Variants in GCC2 observed in about 807,000 individuals in gnomAD.
GCC2 encodes the protein GRIP and coiled-coil domain-containing protein 2.
GCC2 carries 120 observed loss-of-function variants against 210.6 expected under a neutral mutation model. The observed-to-expected ratio is 0.57, with a 90% CI of 0.49 to 0.66. GCC2 has a LOEUF of 0.66. Ranked by LOEUF, GCC2 falls within the 30% of genes least tolerant of loss-of-function variation. GCC2 has a pLI of 0.00. For synonymous variants in GCC2, 703 were observed against 652.7 expected (o/e 1.08, Z -1.17); for missense variants, 1,868 against 1,871.9 (o/e 1.00, Z 0.04).
chr2:108,469,659 A>G lies in GCC2; in HGVS notation c.330A>G (p.Val110=), dbSNP rs1285457452. 2 of 1,579,382 alleles carry G rather than the reference A, an allele frequency of 1.3e-6. No homozygotes were observed. The highest frequency in any genetic ancestry group is 2.4e-5 in the South Asian group (2 of 84,346). The change falls in exon 6 of 23, where the codon GTA becomes GTG. Residue 110 remains valine, a synonymous_variant. Transcript: ENST00000309863. ...CTTATTTTTTGTAATAGGATTCTGT[A>G]ACAAAGATGGGAGATGCACATAAGG... ...IKMKQEVEDS[V]TKMGDAHKEL... is the part of the protein sequence containing the mutation.
intron 4 of GCC2, among the ~76,000 whole-genome samples, chr2:108,459,697 C>CT (rs931518189): frequency 2.3e-5 from 2 of 87,602 alleles, no homozygotes; most frequent in Non-Finnish European, 4.5e-5. Flanking sequence ...ATTGTTACAT[C>CT]TTTTTGCTGG....
chr2:108,451,654 A>G (rs1373105080), intron 3 of GCC2, among the ~76,000 whole-genome samples: 1 of 151,976 alleles, frequency 6.6e-6, no homozygotes, highest in Non-Finnish European at 1.5e-5. Flanking sequence ...CCAGTGACTT[A>G]TAAATATTAA....
At chr2:108,503,801 T>A (rs1453859741) in intron 22 of GCC2, among the ~76,000 whole-genome samples, 1 of 152,238 alleles carries the variant, frequency 6.6e-6, no homozygotes, top group African/African-American at 2.4e-5. Context: ...ACATTCAGAA[T>A]ATTTTTTTAA....
At chr2:108,449,881 T>A in intron 2 of GCC2, 192 bp downstream of exon 2, 1 of 586,258 alleles carries the variant, frequency 1.7e-6, no homozygotes, top group Admixed American at 3.1e-5. Context: ...AGAAAGACTT[T>A]TTGTTTGCTT....
chr2:108,482,976 G>A (rs1399329049), intron 11 of GCC2, 86 bp from the exon 12 acceptor site: 3 of 716,944 alleles, frequency 4.2e-6, no homozygotes, highest in Non-Finnish European at 7.4e-6. Context: ...CACCACGCCC[G>A]GCCGTCAGAT....
Position 108,470,661 on chromosome 2 carries a change from T to G in GCC2, c.1332T>G (p.Phe444Leu), listed in dbSNP as rs748009845. ...AAATATCAGAACTAAATGAGACATT[T>G]TTGTCAGATTCAGAAAAAGAAAAAT... is the stretch of plus-strand genomic sequence containing the variant. ...QKEISELNET[F>L]LSDSEKEKLT... Residue 444 changes from phenylalanine (F) to leucine (L), a missense_variant, in exon 6 of 23, where the codon TTT becomes TTG. By Grantham distance (22) the Phe-to-Leu change is conservative (BLOSUM62 0). Around this residue, in one of 3 missense-constraint regions of GCC2, gnomAD observed 1,847 missense variants for 1,765.2 expected, o/e 1.05. Transcript: ENST00000309863. 2 of 1,611,828 alleles carry G rather than the reference T, an allele frequency of 1.2e-6. No homozygotes were observed. Among genetic ancestry groups the G allele is most frequent in the Non-Finnish European group, 1.7e-6 (2 of 1,178,812 alleles).
At chr2:108,472,193 C>A in intron 6 of GCC2, 77 bp downstream of exon 6, 2 of 1,031,766 alleles carry the variant, frequency 1.9e-6, no homozygotes, top group Non-Finnish European at 2.7e-6. Flanking sequence ...AACATTTTTA[C>A]ACCTTGACGT....
intron 9 of GCC2, among the ~76,000 whole-genome samples, chr2:108,476,173 C>G (rs991643357): frequency 9.2e-5 from 14 of 151,394 alleles, no homozygotes; most frequent in Non-Finnish European, 1.3e-4. Flanking sequence ...AATTCTCCTG[C>G]CACAGGCTCC....
chr2:108,478,455 T>G (rs1244013032), intron 9 of GCC2, among the ~76,000 whole-genome samples: 2 of 152,190 alleles, frequency 1.3e-5, no homozygotes, highest in African/African-American at 4.8e-5. Flanking sequence ...AGTTTGTTAA[T>G]TTGGCTAGTT....
At position 108,484,182 on chromosome 2, in the gene GCC2, A is replaced by T; in HGVS notation, c.3484A>T (p.Ile1162Leu). The change falls in exon 13 of 23, where the codon ATA (isoleucine) becomes TTA (leucine). Residue 1162 changes from isoleucine (I) to leucine (L), a missense_variant. By Grantham distance (5) the Ile-to-Leu change is conservative. Around this residue, in one of 3 missense-constraint regions of GCC2, gnomAD observed 1,847 missense variants for 1,765.2 expected, o/e 1.05. Transcript: ENST00000309863. ...ACAAACCACATTGATGAATATGGAA[A>T]TAGCTGATTATGAACGTTTGATGAA... is the stretch of plus-strand genomic sequence containing the variant. The part of the protein sequence containing the change: ...AQQTTLMNME[I>L]ADYERLMKEL... The T allele has an allele frequency of 6.3e-7, 1 of 1,590,798 alleles. No homozygotes were observed. Among genetic ancestry groups the T allele is most frequent in the Non-Finnish European group, 8.5e-7 (1 of 1,172,292 alleles).
chr2:108,449,648 G>T lies in GCC2; in HGVS notation c.22G>T (p.Gly8Trp). ...TGTTTTGCAGGATCTTGTTCAAGAT[G>T]GGGTGGCTTCACCAGCTACCCCTGG... MEDLVQD[G>W]VASPATPGTG... Residue 8 changes from glycine to tryptophan, a missense_variant, in exon 2 of 23, where the codon GGG becomes TGG. Physicochemically the swap from Gly to Trp is radical, Grantham distance 184 (BLOSUM62 -2). Transcript: ENST00000309863. 1 of 1,613,764 alleles carries T rather than the reference G, an allele frequency of 6.2e-7. No homozygotes were observed. Among genetic ancestry groups the T allele is most frequent in the Non-Finnish European group, 8.5e-7 (1 of 1,179,690 alleles).
Position 108,471,884 on chromosome 2 carries a change from C to A in GCC2, c.2555C>A (p.Ser852Ter). ...LLRKELEEIQSEKEALQSDLL... is the reference protein window; with the variant it reads ...LLRKELEEIQ ...AGGAAAGAGTTAGAAGAAATACAGT[C>A]AGAAAAAGAGGCCCTGCAGTCTGAT... Residue 852 changes from serine to a stop codon, truncating the protein, a stop_gained, in exon 6 of 23, where the codon TCA (serine) becomes TAA (stop). Transcript: ENST00000309863. LOFTEE classifies it high-confidence loss of function. 1 of 1,607,402 alleles carries A rather than the reference C, an allele frequency of 6.2e-7. No individual in the cohort carries two copies. Among genetic ancestry groups the A allele is most frequent in the South Asian group, 1.1e-5 (1 of 89,496 alleles).
intron 9 of GCC2, among the ~76,000 whole-genome samples, chr2:108,477,512 A>T (rs769775367): frequency 6.6e-6 from 1 of 152,212 alleles, no homozygotes; most frequent in Non-Finnish European, 1.5e-5. Context: ...TAATTCAGGG[A>T]GTCTCGTTCC....
rs539727916 is a variant in GCC2 at position 108,469,498 on chromosome 2, A to G, written c.322-153A>G. 33 of 574,434 alleles carry G rather than the reference A, an allele frequency of 5.7e-5. No individual in the cohort carries two copies. In the South Asian group the frequency reaches 8.3e-4, roughly 14 times the overall value. The allele number at this position is 574,434 out of a possible 1,614,324, so 35.6% of individuals were successfully genotyped here. ...TACTTTAGATAGGCAGCACCTAAGG[A>G]GAGTTATTGGAATATCAGTATCATG... On this transcript the variant is annotated intron_variant, in intron 5 of 22. Coordinates refer to ENST00000309863, the MANE Select transcript of GCC2 (RefSeq NM_181453.4).
chr2:108,491,354 C>T lies in GCC2; in HGVS notation c.4230-1219C>T, dbSNP rs547110090. 6.6e-5 allele frequency among the ~76,000 whole-genome samples: 10 copies of T among 152,246 alleles called. No individual in the cohort carries two copies. In the East Asian group the frequency reaches 1.9e-3, roughly 29 times the overall value. On this transcript the variant is annotated intron_variant, in intron 18 of 22. Transcript: ENST00000309863. ...ACCTCTAATTTTTATCCTGCTTAGA[C>T]TATTTTTGTAACCTCCGATGGTTCT...
intron 22 of GCC2, among the ~76,000 whole-genome samples, chr2:108,503,175 AAAG>A (rs1319374921): frequency 2.7e-5 from 4 of 150,920 alleles, no homozygotes; most frequent in African/African-American, 9.7e-5. Flanking sequence ...ATTAAAAAAA[AAAG>A]AAGAAATCTA....
Position 108,472,068 on chromosome 2 carries a change from A to G in GCC2, c.2739A>G (p.Leu913=), listed in dbSNP as rs1573372673. 5 of 1,571,588 alleles carry G rather than the reference A, an allele frequency of 3.2e-6. No individual in the cohort carries two copies. Among genetic ancestry groups the G allele is most frequent in the Non-Finnish European group, 4.3e-6 (5 of 1,167,658 alleles). The change falls in exon 6 of 23, where the codon CTA becomes CTG. Residue 913 remains leucine (L), a synonymous_variant. Transcript: ENST00000309863. ...IKEHENLKPL[L]EQKELRDRRA... ...AACATGAAAACCTAAAGCCACTACT[A>G]GAACAAAAAGAATTACGAGATAGGA...
At chr2:108,497,174 A>T (rs1302358565) in intron 21 of GCC2, 65 bp downstream of exon 21, 2 of 1,609,440 alleles carry the variant, frequency 1.2e-6, no homozygotes, top group Admixed American at 3.3e-5. Flanking sequence ...CTCCATACAC[A>T]TGCACGATCT....
In GCC2 at chr2:108,493,264, A is replaced by G. The variant is rs371966198; in HGVS notation, c.4447+474A>G. 8.7e-4 allele frequency: 401 copies of G among 461,818 alleles called. 2 individuals carry two copies. In the South Asian group the frequency reaches 0.013, roughly 14 times the overall value. 28.6% of individuals were successfully genotyped at this position (461,818 alleles called of 1,614,324 possible). On this transcript the variant is annotated intron_variant, in intron 19 of 22. Coordinates refer to ENST00000309863, the MANE Select transcript of GCC2 (RefSeq NM_181453.4). ...GCCACCAGGCCGGCTAATTTTTTGT[A>G]TTTTTAGTAGAGACGCAGTTTCACC... is the stretch of plus-strand genomic sequence containing the variant.
Sources: allele counts gnomAD v4.1 joint callset (sites outside exome capture counted in the v4.1 genomes callset), GRCh38; gene constraint gnomAD v4.1.1; regional missense constraint gnomAD v4.1.1; transcripts MANE v1.5; gene names NCBI Gene and HGNC (gene_info 2026-07-23, HGNC 2026-07-21).